Variants in EXOC4 observed in about 807,000 individuals in gnomAD.
EXOC4 encodes the protein exocyst complex component 4.
EXOC4 carries 71 observed loss-of-function variants against 107.2 expected under a neutral mutation model. The ratio of observed to expected loss-of-function variants is 0.66; its 90% confidence interval spans 0.55 to 0.81. The LOEUF is 0.81. Ranked by LOEUF, EXOC4 falls within the 30% of genes least tolerant of loss-of-function variation. The pLI is 0.00. For synonymous variants in EXOC4, 456 were observed against 441.2 expected (o/e 1.03, Z -0.42); for missense variants, 1,108 against 1,189.6 (o/e 0.93, Z 1.01).
At chr7:133,777,266 TAAGAGAGAGAGA>T (rs1267175345) in intron 10 of EXOC4, among the ~76,000 whole-genome samples, 1 of 113,518 alleles carries the variant, frequency 8.8e-6, no homozygotes, top group Non-Finnish European at 1.8e-5. Context: ...GTGCTTAGTC[TAAGAGAGAGAGA>T]AAGAGAGAGA....
chr7:133,608,291 A>G (rs1801995488), intron 9 of EXOC4, among the ~76,000 whole-genome samples: 7 of 152,152 alleles, frequency 4.6e-5, no homozygotes, highest in Admixed American at 4.6e-4. Context: ...TATTTAGGTT[A>G]ACAGTTTGTT....
intron 17 of EXOC4, among the ~76,000 whole-genome samples, chr7:134,015,498 C>T (rs12533206): frequency 0.53 from 81,179 of 151,908 alleles, 22,523 homozygotes; most frequent in African/African-American, 0.67. Context: ...ATTCTAAGTA[C>T]ATCATTTCAG....
intron 9 of EXOC4, among the ~76,000 whole-genome samples, chr7:133,505,969 G>T (rs188302908): frequency 1.3e-5 from 2 of 152,200 alleles, no homozygotes; most frequent in African/African-American, 4.8e-5. Context: ...CAGGATGAAT[G>T]AACGATTCCT....
intron 12 of EXOC4, among the ~76,000 whole-genome samples, chr7:133,908,817 G>A (rs1288484841): frequency 1.3e-5 from 2 of 152,106 alleles, no homozygotes; most frequent in Non-Finnish European, 2.9e-5. Flanking sequence ...TCAATAAGAA[G>A]ACAGTACAAG....
intron 13 of EXOC4, chr7:133,930,688 A>T (rs1800156865): frequency 6.6e-6 from 1 of 151,906 alleles, no homozygotes; most frequent in African/African-American, 2.4e-5. Context: ...CTGCACCTCC[A>T]GCTCTTCCTC....
At chr7:133,864,953 G>A (rs1409123881) in intron 11 of EXOC4, among the ~76,000 whole-genome samples, 1 of 152,112 alleles carries the variant, frequency 6.6e-6, no homozygotes, top group Admixed American at 6.5e-5. Flanking sequence ...CAGATTTAAG[G>A]TGGTTTCTAA....
chr7:133,711,055 A>T (rs1442638287), intron 10 of EXOC4, among the ~76,000 whole-genome samples: 1 of 152,252 alleles, frequency 6.6e-6, no homozygotes, highest in Non-Finnish European at 1.5e-5. Flanking sequence ...ACAGCAATAC[A>T]AAATGAACTG....
At chr7:133,798,794 A>AT (rs1198232719) in intron 10 of EXOC4, among the ~76,000 whole-genome samples, 31 of 149,232 alleles carry the variant, frequency 2.1e-4, no homozygotes, top group South Asian at 1.3e-3. Flanking sequence ...GAAAGACAAA[A>AT]AAAAATAAAA....
chr7:133,513,983 G>A (rs531298366), intron 9 of EXOC4, among the ~76,000 whole-genome samples: 205 of 152,160 alleles, frequency 1.3e-3, no homozygotes, highest in Middle Eastern at 6.8e-3. Context: ...GGCTCAGGGC[G>A]CTATATCATG....
intron 10 of EXOC4, among the ~76,000 whole-genome samples, chr7:133,652,627 A>G (rs1426393706): frequency 1.3e-5 from 2 of 152,156 alleles, no homozygotes; most frequent in East Asian, 3.9e-4. Flanking sequence ...CTGGTTCAAG[A>G]AGGAGACTTA....
chr7:133,714,296 T>C (rs373256768), intron 10 of EXOC4, among the ~76,000 whole-genome samples: 3 of 152,314 alleles, frequency 2.0e-5, no homozygotes, highest in East Asian at 3.9e-4. Context: ...CTCTTGCTGC[T>C]GAAAGCCTAC....
the EXOC4 span, among the ~76,000 whole-genome samples, chr7:134,089,667 C>T: frequency 2.6e-5 from 4 of 152,166 alleles, no homozygotes; most frequent in East Asian, 3.8e-4. Context: ...ATGGGAATTG[C>T]GTGACCTACA....
At chr7:133,971,361 T>TATATAGAGAG (rs1489958236) in intron 14 of EXOC4, among the ~76,000 whole-genome samples, 77 of 75,060 alleles carry the variant, frequency 1.0e-3, no homozygotes, top group African/African-American at 1.9e-3. Flanking sequence ...TATATATATA[T>TATATAGAGAG]AGAGAGAGAG....
chr7:133,693,537 A>C (rs1397536233), intron 10 of EXOC4, among the ~76,000 whole-genome samples: 1 of 152,208 alleles, frequency 6.6e-6, no homozygotes, highest in East Asian at 1.9e-4. Flanking sequence ...AATCCGGTTG[A>C]CACCCAATAT....
intron 7 of EXOC4, among the ~76,000 whole-genome samples, chr7:133,401,059 C>A (rs1278169571): frequency 1.3e-5 from 2 of 152,068 alleles, no homozygotes; most frequent in African/African-American, 4.8e-5. Flanking sequence ...TCTCTTTTAA[C>A]CAACTAGAAG....
chr7:133,349,532 T>C (rs1011416589), intron 5 of EXOC4, among the ~76,000 whole-genome samples: 9 of 152,212 alleles, frequency 5.9e-5, no homozygotes, highest in Admixed American at 3.9e-4. Context: ...TGTATGTATA[T>C]ATCACATTTT....
Position 134,014,653 on chromosome 7 carries a change from A to G in EXOC4, c.2687+6818A>G, listed in dbSNP as rs547543388. ...AAGGAAATGGGGAAATAGATAGAGG[A>G]GTCTTTGGGGGGTGATGAAAATGCA... On this transcript the variant is annotated intron_variant, in intron 17 of 17. Coordinates refer to ENST00000253861, the MANE Select transcript of EXOC4 (RefSeq NM_021807.4). Among the ~76,000 whole-genome samples the G allele has an allele frequency of 2.0e-5, 3 of 152,170 alleles. No individual in the cohort carries two copies. The South Asian group carries it at 6.2e-4, about 32-fold the overall frequency.
At chr7:134,011,215 G>A in intron 17 of EXOC4, among the ~76,000 whole-genome samples, 1 of 152,160 alleles carries the variant, frequency 6.6e-6, no homozygotes. Context: ...CCACATGTGA[G>A]TCACAGAAGC....
intron 12 of EXOC4, among the ~76,000 whole-genome samples, chr7:133,910,957 C>T (rs1799680182): frequency 6.6e-6 from 1 of 152,186 alleles, no homozygotes. Context: ...ACTCGCACTT[C>T]CCAACTGTTC....
Sources: gnomAD v4.1 joint callset for allele counts (sites outside exome capture counted in the v4.1 genomes callset) on GRCh38, gnomAD v4.1.1 for gene constraint, MANE v1.5 for transcripts, NCBI Gene and HGNC (gene_info 2026-07-23, HGNC 2026-07-21) for gene names.